SLIT3: variants seen among roughly 807,000 people sequenced by gnomAD.
SLIT3 encodes the protein slit homolog 3 protein.
In SLIT3, 68 loss-of-function variants were observed where a neutral mutation model predicts 184.0. The observed-to-expected ratio is 0.37, with a 90% CI of 0.30 to 0.45. SLIT3 has a LOEUF of 0.45. SLIT3 is among the 20% of genes least tolerant of loss of function. SLIT3 has a pLI of 1.00. For missense variants in SLIT3, 1,707 were observed against 2,026.0 expected (o/e 0.84, Z 3.02); for synonymous variants, 831 against 828.6 (o/e 1.00, Z -0.05).
At chr5:168,673,460 C>T (rs1047177844) in intron 32 of SLIT3, 129 bp from the exon 33 acceptor site, 1 of 883,112 alleles carries the variant, frequency 1.1e-6, no homozygotes, top group South Asian at 1.9e-5. Context: ...TAACTTTAAA[C>T]TTACATAAGT....
rs181288043 is a variant in SLIT3, at chr5:168,771,222, G to A, written c.1459+1559C>T. Among the ~76,000 whole-genome samples, 96 of 152,258 alleles carry A rather than the reference G, an allele frequency of 6.3e-4. 1 individual carries two copies. The East Asian group carries it at 6.8e-3, about 11-fold the overall frequency. ...TGAGGAAAGGTGCTGGGGATAGGAC[G>A]ATTGTGCTTTGGGTGAGATTTTCTT... On this transcript the variant is annotated intron_variant, in intron 14 of 35. Coordinates refer to ENST00000519560, the MANE Select transcript of SLIT3 (RefSeq NM_003062.4).
chr5:169,006,578 T>TTCTCTCTCTCTCTCTCTC (rs369079733), intron 4 of SLIT3, among the ~76,000 whole-genome samples: 2 of 140,116 alleles, frequency 1.4e-5, no homozygotes, highest in African/African-American at 5.4e-5. Flanking sequence ...TTTCCCCCTC[T>TTCTCTCTCTCTCTCTCTC]TCTCTCTCTC....
intron 1 of SLIT3, among the ~76,000 whole-genome samples, chr5:169,255,738 C>T (rs1158572140): frequency 4.6e-5 from 7 of 152,024 alleles, no homozygotes; most frequent in Non-Finnish European, 1.0e-4. Flanking sequence ...AAAAAATTAG[C>T]CGAGCGTGGT....
At chr5:168,872,260 T>G (rs1382355669) in intron 5 of SLIT3, among the ~76,000 whole-genome samples, 1 of 152,170 alleles carries the variant, frequency 6.6e-6, no homozygotes, top group African/African-American at 2.4e-5. Context: ...GAAGGATGAA[T>G]AGGTGGGACA....
intron 4 of SLIT3, among the ~76,000 whole-genome samples, chr5:169,036,701 A>G (rs1757265656): frequency 6.6e-6 from 1 of 152,150 alleles, no homozygotes; most frequent in Admixed American, 6.5e-5. Context: ...GGGAAAAACC[A>G]AAGTCTTATG....
intron 3 of SLIT3, among the ~76,000 whole-genome samples, chr5:169,197,124 T>C (rs1763766467): frequency 6.6e-6 from 1 of 152,154 alleles, no homozygotes; most frequent in Non-Finnish European, 1.5e-5. Flanking sequence ...AGGAATCATT[T>C]TCAGTTTTTT....
Position 168,753,614 on chromosome 5 carries a change from G to A in SLIT3, c.1829+250C>T, listed in dbSNP as rs374636832. The stretch of plus-strand genomic sequence containing the variant: ...TATAAATCTATATACGTGTATACAC[G>A]AGAGTGGGTGACTATGTTGGGTGTG... On this transcript the variant is annotated intron_variant, in intron 17 of 35. Coordinates refer to ENST00000519560, the MANE Select transcript of SLIT3 (RefSeq NM_003062.4). Among the ~76,000 whole-genome samples the A allele has an allele frequency of 2.2e-3, 337 of 152,278 alleles. 3 individuals are homozygous for A. The highest frequency in any genetic ancestry group is 7.4e-3 in the African/African-American group (309 of 41,552).
intron 4 of SLIT3, among the ~76,000 whole-genome samples, chr5:169,162,194 C>T (rs1307251207): frequency 5.3e-5 from 8 of 152,172 alleles, no homozygotes; most frequent in Admixed American, 5.2e-4. Context: ...CCCAGTATGA[C>T]AGTCATCCTC....
chr5:168,778,190 T>C (rs1755826178), intron 12 of SLIT3, among the ~76,000 whole-genome samples: 2 of 152,194 alleles, frequency 1.3e-5, no homozygotes, highest in Non-Finnish European at 2.9e-5. Flanking sequence ...CTGTGTGCTT[T>C]TCCCACGCAC....
At chr5:168,897,647 T>TACACACAC (rs60243688) in intron 4 of SLIT3, among the ~76,000 whole-genome samples, 2 of 141,414 alleles carry the variant, frequency 1.4e-5, no homozygotes, top group East Asian at 4.1e-4. Flanking sequence ...CAGGTGCACG[T>TACACACAC]ACACACACAC....
intron 4 of SLIT3, among the ~76,000 whole-genome samples, chr5:168,958,904 TG>T (rs1762919979): frequency 6.6e-6 from 1 of 152,202 alleles, no homozygotes; most frequent in African/African-American, 2.4e-5. Context: ...CCACCATGAG[TG>T]GTATGGTACC....
chr5:168,927,709 C>T (rs961954576), intron 4 of SLIT3, among the ~76,000 whole-genome samples: 4 of 152,234 alleles, frequency 2.6e-5, no homozygotes, highest in African/African-American at 9.6e-5. Flanking sequence ...CTCTACATCG[C>T]AGGGCCCCCG....
At chr5:168,983,974 C>T (rs570654890) in intron 4 of SLIT3, among the ~76,000 whole-genome samples, 62 of 152,118 alleles carry the variant, frequency 4.1e-4, no homozygotes, top group African/African-American at 1.5e-3. Context: ...TGCTTGAGCC[C>T]AGGAGGTTGA....
At chr5:168,889,063 T>G (rs548841514) in intron 4 of SLIT3, among the ~76,000 whole-genome samples, 63 of 152,318 alleles carry the variant, frequency 4.1e-4, no homozygotes, top group Non-Finnish European at 6.2e-4. Flanking sequence ...AGTAACCCAG[T>G]GACACATCGC....
chr5:169,017,436 G>C (rs983538289), intron 4 of SLIT3, among the ~76,000 whole-genome samples: 12 of 152,196 alleles, frequency 7.9e-5, no homozygotes, highest in Middle Eastern at 3.2e-3. Flanking sequence ...AATGGGGCTA[G>C]AAAGATACAA....
chr5:168,785,055 T>C (rs1317407484), intron 12 of SLIT3, among the ~76,000 whole-genome samples: 1 of 151,902 alleles, frequency 6.6e-6, no homozygotes, highest in Non-Finnish European at 1.5e-5. Flanking sequence ...CTTGGTCTTC[T>C]CCACTGCTTA....
chr5:169,223,424 G>T (rs1764683627), intron 3 of SLIT3, among the ~76,000 whole-genome samples: 1 of 152,202 alleles, frequency 6.6e-6, no homozygotes, highest in Non-Finnish European at 1.5e-5. Context: ...AATAATTCAT[G>T]TGCTCTTCCT....
At chr5:168,687,309 C>G (rs562217295) in intron 29 of SLIT3, among the ~76,000 whole-genome samples, 193 bp from the exon 30 acceptor site, 1 of 152,224 alleles carries the variant, frequency 6.6e-6, no homozygotes, top group East Asian at 1.9e-4. Context: ...CATGGTGGGG[C>G]GAGTCTTGTG....
chr5:168,747,041 G>A (rs960166986), intron 20 of SLIT3, among the ~76,000 whole-genome samples: 5 of 151,778 alleles, frequency 3.3e-5, no homozygotes, highest in African/African-American at 1.2e-4. Context: ...GTGTGTTGCT[G>A]CTCAGGCACT....
Sources: allele counts gnomAD v4.1 joint callset (sites outside exome capture counted in the v4.1 genomes callset), GRCh38; gene constraint gnomAD v4.1.1; transcripts MANE v1.5; gene names NCBI Gene and HGNC (gene_info 2026-07-23, HGNC 2026-07-21).